Variants in CSMD1 observed in about 807,000 individuals in gnomAD.
CSMD1 encodes the protein CUB and sushi domain-containing protein 1.
A neutral mutation model predicts 417.5 loss-of-function variants in CSMD1; 213 were observed. That is an observed-to-expected ratio of 0.51 (90% CI 0.46 to 0.57). CSMD1 has a LOEUF of 0.57. Among genes scored for constraint, CSMD1 ranks in the 20% least tolerant of loss-of-function variants. CSMD1 has a pLI of 0.00. For missense variants in CSMD1, 6,923 were observed against 4,529.7 expected (o/e 1.53, Z -15.17); for synonymous variants, 2,862 against 1,736.8 (o/e 1.65, Z -16.11).
intron 2 of CSMD1, among the ~76,000 whole-genome samples, chr8:4,428,874 C>A (rs1187384051): frequency 1.3e-5 from 2 of 151,978 alleles, no homozygotes; most frequent in African/African-American, 4.8e-5. Context: ...ACCACCACGT[C>A]CAGCTAATTT....
At chr8:3,553,535 C>T (rs138294761) in intron 10 of CSMD1, among the ~76,000 whole-genome samples, 36 of 152,266 alleles carry the variant, frequency 2.4e-4, no homozygotes, top group African/African-American at 6.5e-4. Flanking sequence ...GGATTGCTGC[C>T]GTGGCACAGA....
chr8:4,599,379 T>G (rs1040691758), intron 2 of CSMD1, among the ~76,000 whole-genome samples: 8 of 152,052 alleles, frequency 5.3e-5, no homozygotes, highest in Non-Finnish European at 1.2e-4. Context: ...TTTTTTTTCC[T>G]TAAAGATCTG....
At chr8:3,954,423 C>T (rs549977173) in intron 5 of CSMD1, among the ~76,000 whole-genome samples, 42 of 152,174 alleles carry the variant, frequency 2.8e-4, no homozygotes, top group African/African-American at 9.2e-4. Flanking sequence ...AGTGCAGTGG[C>T]GGTGGTGATC....
chr8:4,320,568 C>T (rs897692502), intron 3 of CSMD1, among the ~76,000 whole-genome samples: 1 of 151,828 alleles, frequency 6.6e-6, no homozygotes, highest in Non-Finnish European at 1.5e-5. Context: ...TCCATGTGTT[C>T]TCTTTGTTCA....
At chr8:3,255,394 G>T (rs997809987) in intron 26 of CSMD1, among the ~76,000 whole-genome samples, 1 of 152,216 alleles carries the variant, frequency 6.6e-6, no homozygotes, top group African/African-American at 2.4e-5. Context: ...TCTATGTAAA[G>T]CTGTCAGACA....
chr8:4,977,149 T>A (rs549927659), intron 1 of CSMD1, among the ~76,000 whole-genome samples: 13 of 152,314 alleles, frequency 8.5e-5, no homozygotes, highest in African/African-American at 3.1e-4. Context: ...ATAGTAATGA[T>A]CATTTGTTTT....
rs528372105 is a variant in CSMD1, at chr8:3,445,873, G to A, written c.1561+22839C>T. Among the ~76,000 whole-genome samples the A allele has an allele frequency of 3.3e-5, 5 of 152,190 alleles. No homozygotes were observed. In the South Asian group the frequency reaches 6.2e-4, roughly 19 times the overall value. ...GTATAATTCAAGATGGTATGTTATA[G>A]AAATAGCAAAAGCGTAAAATTGAGA... is the stretch of plus-strand genomic sequence containing the variant. On this transcript the variant is annotated intron_variant, in intron 12 of 69. Transcript: ENST00000635120.
intron 3 of CSMD1, among the ~76,000 whole-genome samples, chr8:4,092,647 T>C (rs567370379): frequency 6.6e-6 from 1 of 152,338 alleles, no homozygotes; most frequent in South Asian, 2.1e-4. Flanking sequence ...ATGTATTAAA[T>C]CATTTCCAAA....
chr8:3,500,818 G>A (rs1023838273), intron 10 of CSMD1, among the ~76,000 whole-genome samples: 1 of 152,180 alleles, frequency 6.6e-6, no homozygotes, highest in Admixed American at 6.5e-5. Context: ...TGGATTGGCA[G>A]AATGGGATGT....
intron 41 of CSMD1, among the ~76,000 whole-genome samples, chr8:3,136,628 T>A (rs1818111361): frequency 6.6e-6 from 1 of 152,222 alleles, no homozygotes; most frequent in African/African-American, 2.4e-5. Context: ...AGAACACCAC[T>A]GCCATTGATA....
intron 11 of CSMD1, among the ~76,000 whole-genome samples, chr8:3,485,376 G>C (rs34813737): frequency 0.47 from 70,673 of 151,860 alleles, 16,818 homozygotes; most frequent in Non-Finnish European, 0.52. Context: ...TGTTTGGCAG[G>C]GGTCAGCTTT....
intron 1 of CSMD1, among the ~76,000 whole-genome samples, chr8:4,701,112 G>T (rs181339344): frequency 6.6e-6 from 1 of 152,172 alleles, no homozygotes; most frequent in African/African-American, 2.4e-5. Context: ...AAAGGTGAAT[G>T]TTGCAACTCC....
chr8:3,863,119 C>A (rs1390093443), intron 5 of CSMD1, among the ~76,000 whole-genome samples: 1 of 152,158 alleles, frequency 6.6e-6, no homozygotes, highest in East Asian at 1.9e-4. Flanking sequence ...GTGCGAAGGT[C>A]GGGCGCGGTG....
At chr8:4,348,872 GT>G (rs1253129420) in intron 3 of CSMD1, among the ~76,000 whole-genome samples, 1 of 152,112 alleles carries the variant, frequency 6.6e-6, no homozygotes, top group Non-Finnish European at 1.5e-5. Flanking sequence ...TCATCTACAT[GT>G]CTGTTGCTCT....
At chr8:3,343,032 C>A (rs939232045) in intron 23 of CSMD1, among the ~76,000 whole-genome samples, 7 of 152,088 alleles carry the variant, frequency 4.6e-5, no homozygotes, top group Admixed American at 1.3e-4. Context: ...TTAAGCCCAT[C>A]AGATCTAAAA....
chr8:4,375,198 G>T (rs1345142394), intron 3 of CSMD1, among the ~76,000 whole-genome samples: 1 of 152,108 alleles, frequency 6.6e-6, no homozygotes, highest in Admixed American at 6.6e-5. Flanking sequence ...GTGTTTTCAA[G>T]TCTTTGCCCA....
intron 7 of CSMD1, among the ~76,000 whole-genome samples, chr8:3,668,677 G>A (rs1389020600): frequency 1.3e-5 from 2 of 152,128 alleles, no homozygotes; most frequent in African/African-American, 4.8e-5. Context: ...GGTGTCCAGA[G>A]ATCAACCAGG....
intron 3 of CSMD1, among the ~76,000 whole-genome samples, chr8:4,164,149 T>C (rs550463186): frequency 6.6e-6 from 1 of 152,120 alleles, no homozygotes; most frequent in Non-Finnish European, 1.5e-5. Flanking sequence ...TCTCTTAAAA[T>C]GTAATCATTA....
At chr8:4,008,600 C>CTTTTTTTTTTTTTTT (rs1161117794) in intron 4 of CSMD1, among the ~76,000 whole-genome samples, 4 of 80,408 alleles carry the variant, frequency 5.0e-5, no homozygotes, top group East Asian at 4.0e-4. Context: ...TTCTTTTTTT[C>CTTTTTTTTTTTTTTT]TTTTTTTTTT....
Sources: gnomAD v4.1 joint callset for allele counts (sites outside exome capture counted in the v4.1 genomes callset) on GRCh38, gnomAD v4.1.1 for gene constraint, MANE v1.5 for transcripts, NCBI Gene and HGNC (gene_info 2026-07-23, HGNC 2026-07-21) for gene names.